DTHD1: variants seen among roughly 807,000 people sequenced by gnomAD.
DTHD1 encodes death domain-containing protein 1.
DTHD1 carries 59 observed loss-of-function variants against 74.8 expected under a neutral mutation model. The ratio of observed to expected loss-of-function variants is 0.79; its 90% CI spans 0.64 to 0.98. DTHD1 has a LOEUF of 0.98. Ranked by LOEUF, DTHD1 falls within the 50% of genes least tolerant of loss-of-function variation. DTHD1 has a pLI of 0.00. For synonymous variants in DTHD1, 365 were observed against 371.1 expected (o/e 0.98, Z 0.19); for missense variants, 1,051 against 1,065.4 (o/e 0.99, Z 0.19).
At chr4:36,318,250 A>T (rs1757842307) in intron 8 of DTHD1, among the ~76,000 whole-genome samples, 1 of 152,224 alleles carries the variant, frequency 6.6e-6, no homozygotes, top group Non-Finnish European at 1.5e-5. Context: ...TTAGCACATA[A>T]AGCTAGGATT....
Position 36,293,713 on chromosome 4 carries a change from T to G in DTHD1, c.1398+8T>G. The stretch of plus-strand genomic sequence containing the variant: ...GTGCTGGTGCAGTTAAAGGTAAACA[T>G]ATTAAAAATAGGTGAGTTCCTGCTC... On this transcript the variant is annotated splice_region_variant and intron_variant, in intron 4 of 9. Coordinates refer to ENST00000639862, the MANE Select transcript of DTHD1 (RefSeq NM_001170700.3). 2 of 1,488,988 alleles carry G rather than the reference T, an allele frequency of 1.3e-6. No homozygotes were observed. The highest frequency in any genetic ancestry group is 1.8e-6 in the Non-Finnish European group (2 of 1,108,154). The allele number at this position is 1,488,988 out of a possible 1,614,324, so 92.2% of individuals were successfully genotyped here.
intron 1 of DTHD1, 129 bp from the exon 2 acceptor site, chr4:36,283,847 T>C (rs1471485335): frequency 1.5e-6 from 1 of 679,094 alleles, no homozygotes; most frequent in African/African-American, 1.8e-5. Flanking sequence ...GAGTTTGGCT[T>C]AAATGCACAG....
chr4:36,340,975 G>A (rs1321190866), intron 9 of DTHD1, among the ~76,000 whole-genome samples: 1 of 152,092 alleles, frequency 6.6e-6, no homozygotes, highest in Non-Finnish European at 1.5e-5. Context: ...CCAAGGAGAG[G>A]AGTAAAATGC....
chr4:36,322,200 A>G (rs998824241), intron 8 of DTHD1, among the ~76,000 whole-genome samples: 1 of 151,918 alleles, frequency 6.6e-6, no homozygotes, highest in African/African-American at 2.4e-5. Context: ...CCTCTCTTCC[A>G]TAACTAGAAA....
At chr4:36,298,861 G>T (rs1344029867) in intron 5 of DTHD1, among the ~76,000 whole-genome samples, 1 of 152,094 alleles carries the variant, frequency 6.6e-6, no homozygotes, top group Non-Finnish European at 1.5e-5. Flanking sequence ...CATGAAAAAT[G>T]ACATTTCCTA....
intron 2 of DTHD1, among the ~76,000 whole-genome samples, chr4:36,289,707 T>G (rs1486827859): frequency 6.6e-6 from 1 of 152,134 alleles, no homozygotes; most frequent in Non-Finnish European, 1.5e-5. Context: ...AAATCTGAAT[T>G]CAAATCTATA....
intron 1 of DTHD1, among the ~76,000 whole-genome samples, chr4:36,282,640 T>C (rs763468566): frequency 6.6e-6 from 1 of 152,078 alleles, no homozygotes; most frequent in African/African-American, 2.4e-5. Context: ...TGGAATCTGA[T>C]GAATATAATC....
intron 8 of DTHD1, among the ~76,000 whole-genome samples, chr4:36,329,944 C>T (rs1160853463): frequency 6.6e-6 from 1 of 152,042 alleles, no homozygotes. Context: ...ATTGTTTTCC[C>T]ACTTATGGTT....
At chr4:36,282,476 C>T (rs1469703092) in intron 1 of DTHD1, among the ~76,000 whole-genome samples, 1 of 152,054 alleles carries the variant, frequency 6.6e-6, no homozygotes. Context: ...TCTCTAGGGT[C>T]ATTTGAGCTT....
chr4:36,332,300 T>G (rs1275554220), intron 8 of DTHD1, among the ~76,000 whole-genome samples: 1 of 152,180 alleles, frequency 6.6e-6, no homozygotes, highest in Non-Finnish European at 1.5e-5. Flanking sequence ...TTTGTTTTAC[T>G]GTTTTGCCCT....
intron 8 of DTHD1, among the ~76,000 whole-genome samples, chr4:36,326,222 T>A (rs898858182): frequency 5.9e-5 from 9 of 151,562 alleles, no homozygotes; most frequent in African/African-American, 2.2e-4. Context: ...CAGGAAGTAT[T>A]AGACACTGCA....
At chr4:36,330,072 A>G (rs147487551) in intron 8 of DTHD1, among the ~76,000 whole-genome samples, 342 of 152,330 alleles carry the variant, frequency 2.2e-3, no homozygotes, top group African/African-American at 7.8e-3. Context: ...CCCTAATTTC[A>G]GATACATGAT....
chr4:36,304,683 T>C (rs1259556338), intron 5 of DTHD1, among the ~76,000 whole-genome samples: 1 of 152,224 alleles, frequency 6.6e-6, no homozygotes, highest in Non-Finnish European at 1.5e-5. Context: ...TGTTCAGTAA[T>C]AGGGACTTTT....
chr4:36,312,056 G>A (rs1757441087), intron 7 of DTHD1, among the ~76,000 whole-genome samples: 2 of 151,984 alleles, frequency 1.3e-5, no homozygotes, highest in South Asian at 4.1e-4. Flanking sequence ...TTTTTATGAC[G>A]GTTTTTGGCA....
chr4:36,346,349 C>G lies in DTHD1; in HGVS notation c.*2525C>G, dbSNP rs576931373. ...AACCCTCCCGTCTTTCTTTCTCTCT[C>G]TCACACATACACTCACATACATTCA... On this transcript the variant is annotated 3_prime_UTR_variant, in exon 10 of 10. Coordinates refer to ENST00000639862, the MANE Select transcript of DTHD1 (RefSeq NM_001170700.3). 3.0e-4 allele frequency among the ~76,000 whole-genome samples: 45 copies of G among 152,188 alleles called. No individual in the cohort carries two copies. In the Middle Eastern group the frequency reaches 0.014, roughly 46 times the overall value.
chr4:36,318,891 G>A (rs1757903012), intron 8 of DTHD1, among the ~76,000 whole-genome samples: 1 of 152,160 alleles, frequency 6.6e-6, no homozygotes, highest in African/African-American at 2.4e-5. Flanking sequence ...TGGGATTACA[G>A]GCGTGAGCCA....
chr4:36,295,008 ATAAATAGGATTACACCTTCG>A lies in DTHD1; in HGVS notation c.1615_1634del (p.Asn539PhefsTer13), dbSNP rs2109465014. 4.5e-6 allele frequency: 7 copies of A among 1,550,070 alleles called. No individual in the cohort carries two copies. The East Asian group carries it at 1.7e-4, about 38-fold the overall frequency. ...TCATAAAAGAAGAGCAAGTGCCACA[ATAAATAGGATTACACCTTCG>A]TATTTCAACCGGTGAGTAAGTTTCT... On this transcript the variant is annotated frameshift_variant, in exon 5 of 10. Transcript: ENST00000639862. LOFTEE classifies it high-confidence loss of function.
Position 36,337,394 on chromosome 4 carries a change from T to G in DTHD1, c.2341-1718T>G, listed in dbSNP as rs569846640. 3.0e-4 allele frequency among the ~76,000 whole-genome samples: 46 copies of G among 152,276 alleles called. 1 individual carries two copies. Among genetic ancestry groups the G allele is most frequent in the Admixed American group, 2.8e-3 (43 of 15,292 alleles). ...TTTAAACACTGGAACCATTTCTGTGTGCATCAAAATGCGATGAGACATCTG... is the reference window on the plus strand; with the variant it reads ...TTTAAACACTGGAACCATTTCTGTGGGCATCAAAATGCGATGAGACATCTG... On this transcript the variant is annotated intron_variant, in intron 8 of 9. Transcript: ENST00000639862.
intron 5 of DTHD1, among the ~76,000 whole-genome samples, chr4:36,296,697 C>T (rs1263435324): frequency 6.6e-6 from 1 of 151,802 alleles, no homozygotes; most frequent in African/African-American, 2.4e-5. Context: ...GTTTATTATA[C>T]ACATTATTAA....
Sources: gnomAD v4.1 joint callset for allele counts (sites outside exome capture counted in the v4.1 genomes callset) on GRCh38, gnomAD v4.1.1 for gene constraint, MANE v1.5 for transcripts, NCBI Gene and HGNC (gene_info 2026-07-23, HGNC 2026-07-21) for gene names.